The following NIBAN1 variants were observed in gnomAD, a reference collection of about 807,000 sequenced individuals.
NIBAN1 encodes niban apoptosis regulator 1.
In NIBAN1, 81 loss-of-function variants were observed where a neutral mutation model predicts 75.1. The observed-to-expected ratio is 1.08, with a 90% CI of 0.90 to 1.30. The LOEUF (loss-of-function observed/expected upper bound fraction) is 1.30. NIBAN1 is among the 50% of genes most tolerant of loss of function. The pLI is 0.00. For missense variants in NIBAN1, 1,133 were observed against 1,128.1 expected (o/e 1.00, Z -0.06); for synonymous variants, 436 against 424.8 (o/e 1.03, Z -0.32).
At chr1:184,922,317 T>C (rs1246030350) in intron 1 of NIBAN1, among the ~76,000 whole-genome samples, 1 of 152,210 alleles carries the variant, frequency 6.6e-6, no homozygotes, top group Admixed American at 6.5e-5. Context: ...CTCCCTGTTA[T>C]ACTATCAAAT....
intron 1 of NIBAN1, among the ~76,000 whole-genome samples, chr1:184,961,208 A>G (rs1216343433): frequency 6.6e-6 from 1 of 151,350 alleles, no homozygotes; most frequent in Non-Finnish European, 1.5e-5. Context: ...AGCTGGGACT[A>G]CAGGCGCCTG....
rs1557892820 is a variant in NIBAN1, at chr1:184,866,240, G to C, written c.601+18393C>G. ...GAAGTAAGGACAGGTACGAGAGAAG[G>C]AAGGACAGATGAATGGACAGATAGA... On this transcript the variant is annotated intron_variant, in intron 5 of 13. Transcript: ENST00000367511. Among the ~76,000 whole-genome samples the C allele has an allele frequency of 2.0e-5, 3 of 152,248 alleles. No individual in the cohort carries two copies. The East Asian group carries it at 5.8e-4, about 29-fold the overall frequency.
chr1:184,931,440 G>T (rs1315033451), intron 1 of NIBAN1, among the ~76,000 whole-genome samples: 2 of 152,160 alleles, frequency 1.3e-5, no homozygotes, highest in East Asian at 3.8e-4. Flanking sequence ...CTTTAGCTAA[G>T]ATTTACTTAT....
intron 5 of NIBAN1, among the ~76,000 whole-genome samples, chr1:184,875,044 T>A (rs1656197494): frequency 6.6e-6 from 1 of 151,924 alleles, no homozygotes; most frequent in South Asian, 2.1e-4. Context: ...TATTTGGAAA[T>A]TAAGAAACAC....
intron 6 of NIBAN1, among the ~76,000 whole-genome samples, chr1:184,826,863 G>T (rs188998777): frequency 6.6e-6 from 1 of 151,994 alleles, no homozygotes; most frequent in Non-Finnish European, 1.5e-5. Flanking sequence ...CGAGTGGCGG[G>T]GGGGTGATAT....
At chr1:184,836,496 A>C (rs932755000) in intron 5 of NIBAN1, among the ~76,000 whole-genome samples, 1 of 152,202 alleles carries the variant, frequency 6.6e-6, no homozygotes, top group Non-Finnish European at 1.5e-5. Flanking sequence ...ATCTATATCA[A>C]AGCAAACAAT....
At chr1:184,829,384 A>G (rs1364936427) in intron 6 of NIBAN1, among the ~76,000 whole-genome samples, 2 of 151,016 alleles carry the variant, frequency 1.3e-5, no homozygotes, top group Non-Finnish European at 2.9e-5. Flanking sequence ...TCCAACTTAC[A>G]CCACTTAGCA....
chr1:184,817,671 C>A (rs568281045), intron 9 of NIBAN1, among the ~76,000 whole-genome samples: 64 of 152,264 alleles, frequency 4.2e-4, no homozygotes, highest in African/African-American at 1.3e-3. Context: ...TAAATGTCTT[C>A]TTTTGAGAAG....
intron 1 of NIBAN1, among the ~76,000 whole-genome samples, chr1:184,951,771 A>G (rs1259639570): frequency 2.0e-5 from 3 of 152,000 alleles, no homozygotes; most frequent in Non-Finnish European, 4.4e-5. Flanking sequence ...GAAACTCCCC[A>G]TGGCTTCTCT....
rs555310839 is a variant in NIBAN1 at position 184,969,161 on chromosome 1, G to A, written c.55+5141C>T. On this transcript the variant is annotated intron_variant, in intron 1 of 13. Transcript: ENST00000367511. ...AGTTCATGTGGACAGCTAAAATTTG[G>A]GGATTCTATCATTAAACATAATGGG... is the stretch of plus-strand genomic sequence containing the variant. Among the ~76,000 whole-genome samples the A allele has an allele frequency of 1.6e-4, 25 of 152,248 alleles. No individual in the cohort carries two copies. The South Asian group carries it at 5.2e-3, about 32-fold the overall frequency.
chr1:184,921,631 T>C (rs1405730940), intron 1 of NIBAN1, among the ~76,000 whole-genome samples: 3 of 152,208 alleles, frequency 2.0e-5, no homozygotes, highest in South Asian at 4.1e-4. Flanking sequence ...GCACACAATA[T>C]TTGCCCAACT....
At chr1:184,967,229 G>C (rs1658816085) in intron 1 of NIBAN1, among the ~76,000 whole-genome samples, 1 of 151,926 alleles carries the variant, frequency 6.6e-6, no homozygotes, top group South Asian at 2.1e-4. Context: ...CTGTGTGTGT[G>C]TGTGTGTGTG....
intron 5 of NIBAN1, among the ~76,000 whole-genome samples, chr1:184,842,577 A>G (rs1436517621): frequency 6.6e-6 from 1 of 152,146 alleles, no homozygotes; most frequent in Non-Finnish European, 1.5e-5. Flanking sequence ...AACATGGTGA[A>G]GCCCCGTCTC....
chr1:184,911,093 A>G (rs1355697971), intron 1 of NIBAN1, among the ~76,000 whole-genome samples: 1 of 151,906 alleles, frequency 6.6e-6, no homozygotes, highest in Non-Finnish European at 1.5e-5. Flanking sequence ...ACACACACAT[A>G]TATATATATC....
intron 5 of NIBAN1, among the ~76,000 whole-genome samples, chr1:184,875,307 T>G (rs1187107452): frequency 2.0e-5 from 3 of 152,208 alleles, no homozygotes; most frequent in Non-Finnish European, 4.4e-5. Flanking sequence ...CTCATAGTTT[T>G]TATGGGTCAG....
chr1:184,886,621 T>C (rs1656532787), intron 4 of NIBAN1, among the ~76,000 whole-genome samples: 1 of 152,198 alleles, frequency 6.6e-6, no homozygotes, highest in East Asian at 1.9e-4. Flanking sequence ...TATTACATGA[T>C]ATTGCACTTG....
chr1:184,946,787 C>T (rs1658235378), intron 1 of NIBAN1, among the ~76,000 whole-genome samples: 1 of 152,092 alleles, frequency 6.6e-6, no homozygotes. Context: ...GAAAAAGCTG[C>T]CTTAAAAGGA....
At chr1:184,945,998 T>TAA (rs112599159) in intron 1 of NIBAN1, among the ~76,000 whole-genome samples, 46 of 145,852 alleles carry the variant, frequency 3.2e-4, no homozygotes, top group Admixed American at 1.2e-3. Flanking sequence ...GCGCTGGGAT[T>TAA]AAAAAAAAAA....
intron 1 of NIBAN1, among the ~76,000 whole-genome samples, chr1:184,958,981 T>C (rs1316965405): frequency 6.6e-6 from 1 of 152,236 alleles, no homozygotes; most frequent in Non-Finnish European, 1.5e-5. Context: ...ACACAGGAAA[T>C]AATCCTTTAA....
Sources: allele counts gnomAD v4.1 joint callset (sites outside exome capture counted in the v4.1 genomes callset), GRCh38; gene constraint gnomAD v4.1.1; transcripts MANE v1.5; gene names NCBI Gene and HGNC (gene_info 2026-07-23, HGNC 2026-07-21).